The following SEL1L3 variants were observed in gnomAD, a reference collection of about 807,000 sequenced individuals.
SEL1L3 encodes SEL1L family member 3, also known as protein sel-1 homolog 3.
In SEL1L3, 76 loss-of-function variants were observed where a neutral mutation model predicts 142.8. The observed-to-expected ratio is 0.53, with a 90% confidence interval of 0.44 to 0.64. The LOEUF (loss-of-function observed/expected upper bound fraction) is 0.64. Among genes scored for constraint, SEL1L3 ranks in the 30% least tolerant of loss-of-function variants. The pLI is 0.00. For missense variants in SEL1L3, 1,262 were observed against 1,381.7 expected (o/e 0.91, Z 1.37); for synonymous variants, 504 against 519.6 (o/e 0.97, Z 0.41).
chr4:25,778,152 C>T (rs1719761067), intron 16 of SEL1L3, among the ~76,000 whole-genome samples: 1 of 152,034 alleles, frequency 6.6e-6, no homozygotes, highest in Non-Finnish European at 1.5e-5. Flanking sequence ...ATTGGATGTG[C>T]TCCACCAAAA....
chr4:25,732,984 G>C, the SEL1L3 span, among the ~76,000 whole-genome samples: 1 of 152,030 alleles, frequency 6.6e-6, no homozygotes, highest in Non-Finnish European at 1.5e-5. Flanking sequence ...GACCTCAAGT[G>C]ATCTGCCCTC....
intron 1 of SEL1L3, among the ~76,000 whole-genome samples, chr4:25,848,818 T>C (rs934251102): frequency 6.6e-6 from 1 of 152,176 alleles, no homozygotes; most frequent in South Asian, 2.1e-4. Context: ...AGTATAGCAG[T>C]TCCTCAAATA....
At chr4:25,778,741 TA>T (rs1719804514) in intron 16 of SEL1L3, among the ~76,000 whole-genome samples, 1 of 152,036 alleles carries the variant, frequency 6.6e-6, no homozygotes, top group Admixed American at 6.6e-5. Context: ...AATAGTGGTA[TA>T]AGCATGTTAT....
chr4:25,806,341 G>GT (rs74996751), intron 9 of SEL1L3, among the ~76,000 whole-genome samples: 83 of 145,266 alleles, frequency 5.7e-4, no homozygotes, highest in Admixed American at 8.9e-4. Context: ...CCGGCAAAAT[G>GT]TTTTTTTTTT....
At chr4:25,814,960 C>T (rs1197971319) in intron 9 of SEL1L3, among the ~76,000 whole-genome samples, 1 of 152,114 alleles carries the variant, frequency 6.6e-6, no homozygotes, top group Non-Finnish European at 1.5e-5. Flanking sequence ...AGAAGGCTCC[C>T]CAGTCCTTCC....
At chr4:25,772,613 GAA>G (rs1719302828) in intron 17 of SEL1L3, among the ~76,000 whole-genome samples, 1 of 141,596 alleles carries the variant, frequency 7.1e-6, no homozygotes, top group African/African-American at 2.6e-5. Flanking sequence ...GAAAGGAAAA[GAA>G]AGAAAAAAGA....
chr4:25,794,441 T>C lies in SEL1L3; in HGVS notation c.1957-3867A>G, dbSNP rs373960576. Reference sequence around the variant, plus strand: ...TAGGGGAAAAAAAGCTCAACATCCCTGATCATTAGAGAAATGCAAATCAAA... The same window carrying C: ...TAGGGGAAAAAAAGCTCAACATCCCCGATCATTAGAGAAATGCAAATCAAA... On this transcript the variant is annotated intron_variant, in intron 11 of 23. Coordinates refer to ENST00000399878, the MANE Select transcript of SEL1L3 (RefSeq NM_015187.5). 1.1e-4 allele frequency among the ~76,000 whole-genome samples: 17 copies of C among 152,328 alleles called. No individual in the cohort carries two copies. The East Asian group carries it at 3.3e-3, about 29-fold the overall frequency.
At chr4:25,766,151 T>C (rs994494575) in intron 19 of SEL1L3, among the ~76,000 whole-genome samples, 3 of 152,176 alleles carry the variant, frequency 2.0e-5, no homozygotes, top group African/African-American at 4.8e-5. Flanking sequence ...TAAGAGTATA[T>C]GTATCGGCTG....
chr4:25,828,498 T>C (rs555178934), intron 6 of SEL1L3, among the ~76,000 whole-genome samples: 36 of 151,824 alleles, frequency 2.4e-4, no homozygotes, highest in African/African-American at 8.5e-4. Flanking sequence ...GCAATTCTCG[T>C]GCCTCAGCCT....
At chr4:25,818,335 C>T in intron 8 of SEL1L3, 57 bp from the exon 9 acceptor site, 1 of 1,426,322 alleles carries the variant, frequency 7.0e-7, no homozygotes, top group Non-Finnish European at 9.4e-7. Context: ...TAAGACTCAC[C>T]TCCCTAAAGC....
At chr4:25,784,410 C>A in intron 13 of SEL1L3, 120 bp from the exon 14 acceptor site, 1 of 793,150 alleles carries the variant, frequency 1.3e-6, no homozygotes. Context: ...TTCATTTAAA[C>A]CCAAGCTTAG....
In SEL1L3 at chr4:25,783,131, C is replaced by T. The variant is rs1711547125; in HGVS notation, c.2281-713G>A. 2.0e-5 allele frequency among the ~76,000 whole-genome samples: 3 copies of T among 152,196 alleles called. No individual in the cohort carries two copies. The South Asian group carries it at 6.2e-4, about 32-fold the overall frequency. ...CACTACTAGGATGGCTACAGAGATG[C>T]AAATTTCACAGCTTCCAAGAAGCCC... On this transcript the variant is annotated intron_variant, in intron 14 of 23. Coordinates refer to ENST00000399878, the MANE Select transcript of SEL1L3 (RefSeq NM_015187.5).
At position 25,788,258 on chromosome 4, in the gene SEL1L3, G is replaced by T; in HGVS notation, c.2183C>A (p.Ala728Glu). The T allele has an allele frequency of 6.2e-7, 1 of 1,613,818 alleles. No homozygotes were observed. Among genetic ancestry groups the T allele is most frequent in the Non-Finnish European group, 8.5e-7 (1 of 1,179,852 alleles). Residue 728 changes from alanine to glutamate, a missense_variant, in exon 13 of 24, where the codon GCG (alanine) becomes GAG (glutamate). Transcript: ENST00000399878. This position sits in a 1 kb window ranked among gnomAD's most constrained non-coding sequence, Gnocchi z 5.3. ...AKGALETEDP[A>E]LIYDYAIVLF... The stretch of plus-strand genomic sequence containing the variant: ...CACAATGGCATAGTCATAGATTAAC[G>T]CAGGATCCTCCGTCTCCAGGGCGCC...
chr4:25,857,710 G>T (rs1274567371), intron 1 of SEL1L3, among the ~76,000 whole-genome samples: 1 of 152,204 alleles, frequency 6.6e-6, no homozygotes, highest in African/African-American at 2.4e-5. Flanking sequence ...GCCAGGGAAG[G>T]TGTGCCTCTT....
chr4:25,843,425 A>G (rs1023552660), intron 2 of SEL1L3, among the ~76,000 whole-genome samples: 13 of 152,204 alleles, frequency 8.5e-5, no homozygotes, highest in Admixed American at 2.0e-4. Flanking sequence ...TGACACATAC[A>G]GCCAGCACTA....
At chr4:25,829,124 C>T (rs1715276526) in intron 6 of SEL1L3, among the ~76,000 whole-genome samples, 1 of 152,178 alleles carries the variant, frequency 6.6e-6, no homozygotes, top group African/African-American at 2.4e-5. Context: ...AGGCATGCGC[C>T]ACCACGCTAG....
At chr4:25,855,335 T>C (rs900036567) in intron 1 of SEL1L3, among the ~76,000 whole-genome samples, 1 of 152,268 alleles carries the variant, frequency 6.6e-6, no homozygotes. Flanking sequence ...TAACACAAGC[T>C]AAAAATTTAT....
chr4:25,775,629 AG>A (rs1719557830), intron 17 of SEL1L3, among the ~76,000 whole-genome samples: 1 of 152,228 alleles, frequency 6.6e-6, no homozygotes, highest in African/African-American at 2.4e-5. Context: ...AAGTTAGGAG[AG>A]GGGTCCCTTA....
rs778127122 is a variant in SEL1L3, at chr4:25,776,360, T to C, written c.2586A>G (p.Val862=). ...TTTTCTCAGCTACATGTTTTGCCCA[T>C]CTGAAAAAAAAAAGGGAAGAGAAAA... ...TFPRDPEKAV[V]WAKHVAEKNG... The change falls in exon 17 of 24, where the codon GTA becomes GTG. Residue 862 remains valine, a splice_region_variant and synonymous_variant. Transcript: ENST00000399878. The C allele has an allele frequency of 1.9e-6, 3 of 1,604,610 alleles. No homozygotes were observed. Among genetic ancestry groups the C allele is most frequent in the Non-Finnish European group, 2.6e-6 (3 of 1,174,646 alleles).
Sources: allele counts gnomAD v4.1 joint callset (sites outside exome capture counted in the v4.1 genomes callset), GRCh38; gene constraint gnomAD v4.1.1; non-coding constraint Gnocchi (gnomAD v3.1); transcripts MANE v1.5; gene names NCBI Gene and HGNC (gene_info 2026-07-23, HGNC 2026-07-21).